ACTR1A: variants seen among roughly 807,000 people sequenced by gnomAD.
The protein encoded by ACTR1A is alpha-centractin.
ACTR1A carries 10 observed loss-of-function variants against 50.7 expected under a neutral mutation model. The observed-to-expected ratio is 0.20, with a 90% CI of 0.12 to 0.33. ACTR1A has a LOEUF of 0.33. Ranked by LOEUF, ACTR1A falls within the 10% of genes least tolerant of loss-of-function variation. The pLI, the probability that ACTR1A is intolerant of heterozygous loss-of-function variation, is 1.00. For synonymous variants in ACTR1A, 177 were observed against 184.2 expected, an observed-to-expected ratio of 0.96 and a Z score of 0.32; for missense variants, 253 against 491.7, an observed-to-expected ratio of 0.51 and a Z score of 4.59.
At chr10:102,498,344 G>GTTTATTTT (rs2062232338) in intron 1 of ACTR1A, among the ~76,000 whole-genome samples, 1 of 150,234 alleles carries the variant, frequency 6.7e-6, no homozygotes. Flanking sequence ...TTTTAAAGGG[G>GTTTATTTT]GCTGAAGCAG....
chr10:102,481,725 A>G, intron 9 of ACTR1A, 112 bp downstream of exon 9: 1 of 1,291,668 alleles, frequency 7.7e-7, no homozygotes, highest in Non-Finnish European at 1.1e-6. Flanking sequence ...CGCTGCTTGT[A>G]GAGCCATGGC....
rs775419062 is a variant in ACTR1A at position 102,483,028 on chromosome 10, C to G, written c.733G>C (p.Asp245His). 1 of 1,613,996 alleles carries G rather than the reference C, an allele frequency of 6.2e-7. No homozygotes were observed. The highest frequency in any genetic ancestry group is 8.5e-7 in the Non-Finnish European group (1 of 1,179,860). Residue 245 changes from aspartate (D) to histidine (H), a missense_variant, in exon 7 of 11, where the codon GAT becomes CAT. Asp to His is a moderately conservative substitution (Grantham distance 81, BLOSUM62 -1). Transcript: ENST00000369905. ...CCACCTACCTCAATGGTGCTGCCATCAGGCAGGTAGTACTGAGCTTTCTCT... is the reference window on the plus strand; with the variant it reads ...CCACCTACCTCAATGGTGCTGCCATGAGGCAGGTAGTACTGAGCTTTCTCT... ...ETEKAQYYLPDGSTIEIGPSR... is the reference protein window; with the variant it reads ...ETEKAQYYLPHGSTIEIGPSR...
At position 102,481,381 on chromosome 10, in the gene ACTR1A, G is replaced by T. The variant is rs1337453759; in HGVS notation, c.988-209C>A. On this transcript the variant is annotated intron_variant, in intron 9 of 10. Coordinates refer to ENST00000369905, the MANE Select transcript of ACTR1A (RefSeq NM_005736.4). ...GGTCCCAGGGAAGCTGGGACTATTG[G>T]GGGGGGCAGGGAGAAGCAGACTCCA... 2.1e-5 allele frequency among the ~76,000 whole-genome samples: 3 copies of T among 142,444 alleles called. No individual in the cohort carries two copies. In the East Asian group the frequency reaches 5.8e-4, roughly 27 times the overall value. The allele number at this position is 142,444 out of a possible 152,430, so 93.4% of individuals were successfully genotyped here.
chr10:102,497,980 A>T (rs2062230441), intron 1 of ACTR1A, among the ~76,000 whole-genome samples: 1 of 150,774 alleles, frequency 6.6e-6, no homozygotes, highest in Non-Finnish European at 1.5e-5. Context: ...AGTCCCAGCT[A>T]CTTGGGAGGC....
chr10:102,481,964 C>T, intron 8 of ACTR1A, 37 bp downstream of exon 8: 2 of 1,613,964 alleles, frequency 1.2e-6, no homozygotes, highest in South Asian at 1.1e-5. Context: ...AGGAGCTGAA[C>T]ACTTCCAGGG....
chr10:102,495,856 G>A (rs1177100826), intron 1 of ACTR1A, among the ~76,000 whole-genome samples: 2 of 148,562 alleles, frequency 1.3e-5, no homozygotes, highest in East Asian at 4.1e-4. Context: ...CGCCTCCCGG[G>A]TCCAAAGCCA....
rs1460607205 is a variant in ACTR1A at position 102,488,361 on chromosome 10, C to T, written c.190-86G>A. On this transcript the variant is annotated intron_variant, in intron 3 of 10. Transcript: ENST00000369905. This position sits in a 1 kb window ranked among gnomAD's most constrained non-coding sequence, Gnocchi z 4.4. The stretch of plus-strand genomic sequence containing the variant: ...CAAGACTAAGCAGTGCAAGCTGAAT[C>T]CCTTGCAAAGAAGCCTCAGCTTCCT... 2 of 1,554,654 alleles carry T rather than the reference C, an allele frequency of 1.3e-6. No individual in the cohort carries two copies. The highest frequency in any genetic ancestry group is 2.3e-5 in the East Asian group (1 of 43,570).
intron 6 of ACTR1A, 119 bp from the exon 7 acceptor site, chr10:102,483,222 G>T: frequency 1.2e-6 from 1 of 805,982 alleles, no homozygotes; most frequent in Non-Finnish European, 2.2e-6. Flanking sequence ...GGCCCCAATG[G>T]TCACTATAGC....
intron 4 of ACTR1A, among the ~76,000 whole-genome samples, chr10:102,486,412 G>A (rs1226807762): frequency 4.6e-5 from 7 of 152,136 alleles, no homozygotes; most frequent in African/African-American, 1.4e-4. Context: ...GAAAACAGCC[G>A]GGCGTGGTGG....
chr10:102,479,402 C>T lies in ACTR1A; in HGVS notation c.*1461G>A. On this transcript the variant is annotated 3_prime_UTR_variant, in exon 11 of 11. Coordinates refer to ENST00000369905, the MANE Select transcript of ACTR1A (RefSeq NM_005736.4). The surrounding 1 kb of genome is among the most constrained non-coding windows in gnomAD (Gnocchi z 4.0). Reference sequence around the variant, plus strand: ...CTTTCACACATACCTGCTGCTGTGGCCCACACCTGGCAGGGGCCTTTGGTC... The same window carrying T: ...CTTTCACACATACCTGCTGCTGTGGTCCACACCTGGCAGGGGCCTTTGGTC... The T allele has an allele frequency of 2.7e-6, 1 of 373,518 alleles. No individual in the cohort carries two copies. 23.1% of individuals were successfully genotyped at this position (373,518 alleles called of 1,614,324 possible).
chr10:102,501,131 A>C (rs2062249413), intron 1 of ACTR1A, among the ~76,000 whole-genome samples: 1 of 152,150 alleles, frequency 6.6e-6, no homozygotes, highest in African/African-American at 2.4e-5. Context: ...GCCCCTTTCT[A>C]AGGGGGAATA....
At chr10:102,500,595 AC>A (rs763639449) in intron 1 of ACTR1A, among the ~76,000 whole-genome samples, 8,113 of 146,762 alleles carry the variant, frequency 0.055, 516 homozygotes, top group African/African-American at 0.16. Context: ...AAACAAACAA[AC>A]AAACAAACAA....
intron 1 of ACTR1A, among the ~76,000 whole-genome samples, chr10:102,501,121 G>A (rs898812209): frequency 6.0e-5 from 9 of 151,048 alleles, no homozygotes; most frequent in Non-Finnish European, 1.3e-4. Flanking sequence ...GCTCAATCCT[G>A]CCCCTTTCTA....
rs370763149 is a variant in ACTR1A at position 102,485,752 on chromosome 10, G to A, written c.316-19C>T. 2 of 1,613,316 alleles carry A rather than the reference G, an allele frequency of 1.2e-6. No homozygotes were observed. The highest frequency in any genetic ancestry group is 2.7e-5 in the African/African-American group (2 of 74,908). ...CAGGATGCTGGTGAAAGGAGCCCGG[G>A]AGACAATGAGGCCAAGGCCAGATTT... On this transcript the variant is annotated intron_variant, in intron 4 of 10. Transcript: ENST00000369905.
chr10:102,479,684 T>G lies in ACTR1A; in HGVS notation c.*1179A>C. On this transcript the variant is annotated 3_prime_UTR_variant, in exon 11 of 11. Transcript: ENST00000369905. This position sits in a 1 kb window ranked among gnomAD's most constrained non-coding sequence, Gnocchi z 4.0. ...AGCCCAGAGGGGGCCTTCCCACCTC[T>G]ACAACCTAGTCCCCTGGTCAGCTAC... 3.9e-6 allele frequency: 5 copies of G among 1,289,440 alleles called. No individual in the cohort carries two copies. The highest frequency in any genetic ancestry group is 5.1e-6 in the Non-Finnish European group (5 of 988,780). 79.9% of individuals were successfully genotyped at this position (1,289,440 alleles called of 1,614,324 possible).
chr10:102,493,547 A>G (rs1661314188), intron 1 of ACTR1A, among the ~76,000 whole-genome samples: 1 of 152,196 alleles, frequency 6.6e-6, no homozygotes, highest in South Asian at 2.1e-4. Flanking sequence ...AAAGAGTATA[A>G]AAAGCCCAGT....
chr10:102,481,952 G>A lies in ACTR1A; in HGVS notation c.925+49C>T, dbSNP rs768197400. On this transcript the variant is annotated intron_variant, in intron 8 of 10. Transcript: ENST00000369905. ...TCAATTCTCAGGGTGCCTGGAGCCA[G>A]CAGGAGCTGAACACTTCCAGGGGAA... The A allele has an allele frequency of 2.4e-5, 38 of 1,613,616 alleles. No homozygotes were observed. In the African/African-American group the frequency reaches 4.4e-4, roughly 19 times the overall value.
rs534653636 is a variant in ACTR1A at position 102,498,237 on chromosome 10, TA to T, written c.48+4362del. Among the ~76,000 whole-genome samples, 106 of 151,800 alleles carry T rather than the reference TA, an allele frequency of 7.0e-4. 1 individual carries two copies. The highest frequency in any genetic ancestry group is 2.5e-3 in the African/African-American group (105 of 41,500). Reference sequence around the variant, plus strand: ...CAAATATGGCAACATCAATATTTACTAAATCTGGGTAGTAGACACATGCTAC... The same window carrying T: ...CAAATATGGCAACATCAATATTTACTAATCTGGGTAGTAGACACATGCTAC... On this transcript the variant is annotated intron_variant, in intron 1 of 10. Transcript: ENST00000369905.
rs1217986592 is a variant in ACTR1A, at chr10:102,488,069, GTCC to G, written c.315+78_315+80del. ...TCCAGCACTCTTGGCAGTGATCATC[GTCC>G]TCCTCATCATCTCTAGGGTAGGAGT... On this transcript the variant is annotated intron_variant, in intron 4 of 10. Transcript: ENST00000369905. This position sits in a 1 kb window ranked among gnomAD's most constrained non-coding sequence, Gnocchi z 4.4. The G allele has an allele frequency of 4.6e-6, 7 of 1,511,702 alleles. No homozygotes were observed. The highest frequency in any genetic ancestry group is 2.4e-5 in the South Asian group (2 of 83,302). 93.6% of individuals were successfully genotyped at this position (1,511,702 alleles called of 1,614,324 possible).
Sources: gnomAD v4.1 joint callset for allele counts (sites outside exome capture counted in the v4.1 genomes callset) on GRCh38, gnomAD v4.1.1 for gene constraint, Gnocchi (gnomAD v3.1) non-coding constraint, MANE v1.5 for transcripts, NCBI Gene and HGNC (gene_info 2026-07-23, HGNC 2026-07-21) for gene names.